The following GPRIN1 variants were observed in gnomAD, a reference collection of about 807,000 sequenced individuals.
The protein encoded by GPRIN1 is G protein regulated inducer of neurite outgrowth 1, also known as G protein-regulated inducer of neurite outgrowth 1.
Under a neutral mutation model 2.8 loss-of-function variants are expected in GPRIN1, and 4 were observed. That is an observed-to-expected ratio of 1.45 (90% CI 0.71 to 3.32). GPRIN1 has a LOEUF of 3.32. GPRIN1 is among the 30% of genes most tolerant of loss of function. The pLI, the probability that GPRIN1 is intolerant of heterozygous loss-of-function variation, is 0.01. For synonymous variants in GPRIN1, 589 were observed against 589.9 expected (o/e 1.00, Z 0.02); for missense variants, 1,322 against 1,343.4 (o/e 0.98, Z 0.25).
At chr5:176,609,622 C>T (rs1759278437) in intron 1 of GPRIN1, among the ~76,000 whole-genome samples, 1 of 152,058 alleles carries the variant, frequency 6.6e-6, no homozygotes, top group South Asian at 2.1e-4. Context: ...AGGACGCCCT[C>T]CCCCCAGTGG....
In GPRIN1 at chr5:176,595,872, G is replaced by T. The variant is rs1319194638; in HGVS notation, c.*936C>A. 1 of 489,196 alleles carries T rather than the reference G, an allele frequency of 2.0e-6. No homozygotes were observed. The highest frequency in any genetic ancestry group is 3.5e-6 in the Non-Finnish European group (1 of 288,194). The allele number at this position is 489,196 out of a possible 1,614,324, so 30.3% of individuals were successfully genotyped here. On this transcript the variant is annotated 3_prime_UTR_variant, in exon 2 of 2. Transcript: ENST00000303991. The stretch of plus-strand genomic sequence containing the variant: ...CCAAAAACTGCGGCTGGAGGGGTGG[G>T]GACGGGACACTGAGTGGTCACAAGG...
chr5:176,609,793 G>A (rs1283087743), intron 1 of GPRIN1, among the ~76,000 whole-genome samples: 266 of 25,624 alleles, frequency 0.01, 1 homozygote, highest in Non-Finnish European at 0.014. Flanking sequence ...GCCCCGCCCC[G>A]CCCCGCCCCG....
chr5:176,599,151 C>T lies in GPRIN1; in HGVS notation c.684G>A (p.Val228=). 1 of 1,613,384 alleles carries T rather than the reference C, an allele frequency of 6.2e-7. No homozygotes were observed. Among genetic ancestry groups the T allele is most frequent in the Non-Finnish European group, 8.5e-7 (1 of 1,179,608 alleles). ...DPLCSSKTYT[V]SPRKEDPGSL... ...ACCCAGGATCCTCCTTCCTCGGTGACACTGTATACGTCTTGCTGGAGCACA... is the reference window on the plus strand; with the variant it reads ...ACCCAGGATCCTCCTTCCTCGGTGATACTGTATACGTCTTGCTGGAGCACA... The change falls in exon 2 of 2, where the codon GTG becomes GTA. Residue 228 remains valine, a synonymous_variant. Transcript: ENST00000303991.
At chr5:176,609,504 G>A (rs1456648610) in intron 1 of GPRIN1, among the ~76,000 whole-genome samples, 2 of 152,182 alleles carry the variant, frequency 1.3e-5, no homozygotes, top group Non-Finnish European at 2.9e-5. Flanking sequence ...GTGTGATCGC[G>A]CCCCGGAGTG....
chr5:176,599,841 T>A lies in GPRIN1; in HGVS notation c.-7A>T. 6.8e-7 allele frequency: 1 copy of A among 1,459,938 alleles called. No individual in the cohort carries two copies. The highest frequency in any genetic ancestry group is 9.1e-7 in the Non-Finnish European group (1 of 1,103,196). 90.4% of individuals were successfully genotyped at this position (1,459,938 alleles called of 1,614,324 possible). ...GGTCTTCAGCAGTGTCCATCTGCCCTCATGACCACGCCTGCACCCAAGGCT... is the reference window on the plus strand; with the variant it reads ...GGTCTTCAGCAGTGTCCATCTGCCCACATGACCACGCCTGCACCCAAGGCT... On this transcript the variant is annotated 5_prime_UTR_variant, in exon 2 of 2. Transcript: ENST00000303991.
chr5:176,598,951 C>T lies in GPRIN1; in HGVS notation c.884G>A (p.Gly295Glu). The change falls in exon 2 of 2, where the codon GGA (glycine) becomes GAA (glutamate). Residue 295 changes from glycine to glutamate, a missense_variant. By Grantham distance (98) the Gly-to-Glu change is moderately conservative. Around this residue, in one of 3 missense-constraint regions of GPRIN1, gnomAD observed 1,117 missense variants for 1,128.6 expected, o/e 0.99. Coordinates refer to ENST00000303991, the MANE Select transcript of GPRIN1 (RefSeq NM_052899.3). ...TTCCAAGGGCATGGGATCTGCCTTT[C>T]CCGAGGGCCCAGGATCTCTCTTTCC... ...LSGKRDPGPS[G>E]KADPMPLESM... is the part of the protein sequence containing the mutation. The T allele has an allele frequency of 6.2e-7, 1 of 1,614,112 alleles. No individual in the cohort carries two copies. Among genetic ancestry groups the T allele is most frequent in the Non-Finnish European group, 8.5e-7 (1 of 1,179,954 alleles).
rs780340227 is a variant in GPRIN1 at position 176,599,280 on chromosome 5, T to C, written c.555A>G (p.Ala185=). 12 of 1,614,062 alleles carry C rather than the reference T, an allele frequency of 7.4e-6. No individual in the cohort carries two copies. The Admixed American group carries it at 1.8e-4, about 25-fold the overall frequency. ...RKADPMFTGK[A]EPEILGKGDP... is the part of the protein sequence containing the mutation. Reference sequence around the variant, plus strand: ...CCCCCTTTCCCAAGATTTCAGGCTCTGCCTTTCCTGTAAACATGGGATCTG... The same window carrying C: ...CCCCCTTTCCCAAGATTTCAGGCTCCGCCTTTCCTGTAAACATGGGATCTG... Residue 185 remains alanine (A), a synonymous_variant, in exon 2 of 2, where the codon GCA becomes GCG. Coordinates refer to ENST00000303991, the MANE Select transcript of GPRIN1 (RefSeq NM_052899.3).
At chr5:176,606,790 G>A (rs1365790902) in intron 1 of GPRIN1, among the ~76,000 whole-genome samples, 3 of 152,200 alleles carry the variant, frequency 2.0e-5, no homozygotes, top group Admixed American at 2.0e-4. Flanking sequence ...TGTACAAGTC[G>A]AGCCCTTACT....
chr5:176,602,524 C>T lies in GPRIN1; in HGVS notation c.-43-2647G>A, dbSNP rs183602884. On this transcript the variant is annotated intron_variant, in intron 1 of 1. Transcript: ENST00000303991. The surrounding 1 kb of genome is among the most constrained non-coding windows in gnomAD (Gnocchi z 4.4). ...ATGAATGACTGAATGACCTAAGATG[C>T]AGAGCCACCTGTGCCCTCCTTGGCT... Among the ~76,000 whole-genome samples the T allele has an allele frequency of 2.0e-4, 31 of 152,314 alleles. No individual in the cohort carries two copies. Among genetic ancestry groups the T allele is most frequent in the Admixed American group, 2.0e-3 (31 of 15,308 alleles).
rs35368228 is a variant in GPRIN1, at chr5:176,607,903, CTTTTTTTTTTTTTTTT to C, written c.-44+2080_-44+2095del. On this transcript the variant is annotated intron_variant, in intron 1 of 1. Transcript: ENST00000303991. ...AGATCGTGGACACTGACACTTGGCT[CTTTTTTTTTTTTTTTT>C]TTTTTTTTTTTTTTTTTTTTTCTGA... is the stretch of plus-strand genomic sequence containing the variant. Among the ~76,000 whole-genome samples, 44 of 67,374 alleles carry C rather than the reference CTTTTTTTTTTTTTTTT, an allele frequency of 6.5e-4. 1 individual carries two copies. The highest frequency in any genetic ancestry group is 4.1e-3 in the East Asian group (8 of 1,934). 44.2% of individuals were successfully genotyped at this position (67,374 alleles called of 152,430 possible).
rs1165984048 is a variant in GPRIN1, at chr5:176,598,705, A to G, written c.1130T>C (p.Met377Thr). The G allele has an allele frequency of 1.9e-6, 3 of 1,613,960 alleles. No homozygotes were observed. Among genetic ancestry groups the G allele is most frequent in the Non-Finnish European group, 2.5e-6 (3 of 1,180,044 alleles). ...CCCCTCTCCTGAGGAGGCAGGGTCC[A>G]TCTTTCCCAGGAACCGGGAGTCCTC... ...TKEDSRFLGK[M>T]DPASSGEGRP... is the part of the protein sequence containing the mutation. Residue 377 changes from methionine to threonine, a missense_variant, in exon 2 of 2, where the codon ATG becomes ACG. Met to Thr is a moderately conservative substitution (Grantham distance 81). Around this residue, in one of 3 missense-constraint regions of GPRIN1, gnomAD observed 1,117 missense variants for 1,128.6 expected, o/e 0.99. Coordinates refer to ENST00000303991, the MANE Select transcript of GPRIN1 (RefSeq NM_052899.3).
chr5:176,609,863 T>A (rs1254830097), intron 1 of GPRIN1, 136 bp downstream of exon 1: 3 of 144,574 alleles, frequency 2.1e-5, no homozygotes, highest in Non-Finnish European at 4.5e-5. Flanking sequence ...CCCGGGCTCA[T>A]GCCGCGCGAG....
chr5:176,606,010 C>T (rs2113353991), intron 1 of GPRIN1, among the ~76,000 whole-genome samples: 1 of 152,242 alleles, frequency 6.6e-6, no homozygotes, highest in East Asian at 1.9e-4. Flanking sequence ...CCCCTCATTT[C>T]AGCCCTGGAA....
chr5:176,599,436 G>C lies in GPRIN1; in HGVS notation c.399C>G (p.Ser133=). The C allele has an allele frequency of 6.2e-7, 1 of 1,614,232 alleles. No homozygotes were observed. The highest frequency in any genetic ancestry group is 8.5e-7 in the Non-Finnish European group (1 of 1,180,036). The change falls in exon 2 of 2, where the codon TCC becomes TCG. Residue 133 remains serine, a synonymous_variant. Coordinates refer to ENST00000303991, the MANE Select transcript of GPRIN1 (RefSeq NM_052899.3). ...AGGATTTGGGCTCAGTTTTCACGGA[G>C]GACACAGGCTCTGGCTTCCCAGACG... ...ATTSGKPEPV[S]SVKTEPKSSD...
rs1303363326 is a variant in GPRIN1 at position 176,597,421 on chromosome 5, G to A, written c.2414C>T (p.Pro805Leu). ...GCCCGCGTCCTCGCGCGGCGGCGGC[G>A]GGGCGCTCGCCTCCCACGACGGCGC... ...TKAPSWEASA[P>L]PPPREDAGTQ... is the part of the protein sequence containing the mutation. Residue 805 changes from proline (P) to leucine (L), a missense_variant, in exon 2 of 2, where the codon CCG becomes CTG. By Grantham distance (98) the Pro-to-Leu change is moderately conservative. Transcript: ENST00000303991. The surrounding 1 kb of genome is among the most constrained non-coding windows in gnomAD (Gnocchi z 6.1). 11 of 1,294,982 alleles carry A rather than the reference G, an allele frequency of 8.5e-6. No homozygotes were observed. The East Asian group carries it at 2.8e-4, about 33-fold the overall frequency. 80.2% of individuals were successfully genotyped at this position (1,294,982 alleles called of 1,614,324 possible). A position where few individuals can be genotyped will look rare whatever the true frequency, so the allele number is the denominator to read the frequency against.
Position 176,596,733 on chromosome 5 carries a change from A to T in GPRIN1, c.*75T>A. The T allele has an allele frequency of 8.0e-7, 1 of 1,246,072 alleles. No individual in the cohort carries two copies. The highest frequency in any genetic ancestry group is 1.0e-6 in the Non-Finnish European group (1 of 972,096). The allele number at this position is 1,246,072 out of a possible 1,614,324, so 77.2% of individuals were successfully genotyped here. On this transcript the variant is annotated 3_prime_UTR_variant, in exon 2 of 2. Coordinates refer to ENST00000303991, the MANE Select transcript of GPRIN1 (RefSeq NM_052899.3). The surrounding 1 kb of genome is among the most constrained non-coding windows in gnomAD (Gnocchi z 5.2). ...CGGAGGCCTGTGGCACGCAGAGGGG[A>T]CCCCTTCTAGGGGCCTGTGATCAAG...
chr5:176,598,278 T>G lies in GPRIN1; in HGVS notation c.1557A>C (p.Gly519=). 1 of 1,613,592 alleles carries G rather than the reference T, an allele frequency of 6.2e-7. No homozygotes were observed. The change falls in exon 2 of 2, where the codon GGA becomes GGC. Residue 519 remains glycine, a synonymous_variant. Coordinates refer to ENST00000303991, the MANE Select transcript of GPRIN1 (RefSeq NM_052899.3). ...CTGCCTTCTCCGAGGACAGGGGATCTCCTTTTCCCCCCGTCGCTGGCTCAG... is the reference window on the plus strand; with the variant it reads ...CTGCCTTCTCCGAGGACAGGGGATCGCCTTTTCCCCCCGTCGCTGGCTCAG... The part of the protein sequence containing the change: ...VKAEPATGGK[G]DPLSSEKAGL...
At chr5:176,609,731 C>T (rs1581160315) in intron 1 of GPRIN1, among the ~76,000 whole-genome samples, 1 of 151,862 alleles carries the variant, frequency 6.6e-6, no homozygotes, top group East Asian at 1.9e-4. Flanking sequence ...CAGCCTGGCC[C>T]GCCGGGCCCC....
Position 176,598,512 on chromosome 5 carries a change from C to T in GPRIN1, c.1323G>A (p.Glu441=). The T allele has an allele frequency of 6.2e-7, 1 of 1,614,162 alleles. No homozygotes were observed. Among genetic ancestry groups the T allele is most frequent in the Non-Finnish European group, 8.5e-7 (1 of 1,180,010 alleles). Residue 441 remains glutamate, a synonymous_variant, in exon 2 of 2, where the codon GAG becomes GAA. Coordinates refer to ENST00000303991, the MANE Select transcript of GPRIN1 (RefSeq NM_052899.3). ...KPELLSPGQA[E]RVSVGKAGTV... Reference sequence around the variant, plus strand: ...TTCCTGCCTTTCCCACAGACACACGCTCTGCCTGTCCAGGAGACAAGAGCT... The same window carrying T: ...TTCCTGCCTTTCCCACAGACACACGTTCTGCCTGTCCAGGAGACAAGAGCT...
Sources: allele counts gnomAD v4.1 joint callset (sites outside exome capture counted in the v4.1 genomes callset), GRCh38; gene constraint gnomAD v4.1.1; regional missense constraint gnomAD v4.1.1; non-coding constraint Gnocchi (gnomAD v3.1); transcripts MANE v1.5; gene names NCBI Gene and HGNC (gene_info 2026-07-23, HGNC 2026-07-21).